C9orf85: variants seen among roughly 807,000 people sequenced by gnomAD.
C9orf85 encodes uncharacterized protein C9orf85.
In C9orf85, 16 loss-of-function variants were observed where a neutral mutation model predicts 14.9. The observed-to-expected ratio is 1.08, with a 90% CI of 0.73 to 1.63. The LOEUF (loss-of-function observed/expected upper bound fraction) is 1.63. C9orf85 is among the 40% of genes most tolerant of loss of function. The pLI is 0.00. For synonymous variants in C9orf85, 45 were observed against 56.8 expected (o/e 0.79, Z 0.93); for missense variants, 172 against 186.1 (o/e 0.92, Z 0.44).
At chr9:71,932,248 G>A (rs1211923566) in intron 1 of C9orf85, among the ~76,000 whole-genome samples, 2 of 152,108 alleles carry the variant, frequency 1.3e-5, no homozygotes, top group African/African-American at 4.8e-5. Flanking sequence ...AGTTTGCCTT[G>A]GGAAATGGTC....
chr9:71,973,860 GT>G (rs60163753), downstream of C9orf85, among the ~76,000 whole-genome samples: 55 of 142,600 alleles, frequency 3.9e-4, no homozygotes, highest in African/African-American at 1.3e-3. Flanking sequence ...GGGTTTTGTT[GT>G]TTTTTTTTTT....
chr9:71,954,266 G>C (rs5010731), intron 2 of C9orf85, among the ~76,000 whole-genome samples: 22,642 of 145,458 alleles, frequency 0.16, 2,091 homozygotes, highest in Non-Finnish European at 0.21. Context: ...TGGCTGGGGG[G>C]ATTGGTTGGT....
chr9:71,982,757 T>G (rs921993005), exon 4 of C9orf85: 5 of 349,422 alleles, frequency 1.4e-5, no homozygotes, highest in African/African-American at 2.3e-5. Flanking sequence ...TGCCTCAGCC[T>G]CTCGAGTAGC....
At chr9:71,959,976 C>G (rs1232848142) in intron 2 of C9orf85, among the ~76,000 whole-genome samples, 1 of 152,176 alleles carries the variant, frequency 6.6e-6, no homozygotes, top group African/African-American at 2.4e-5. Flanking sequence ...AAGAAGATAG[C>G]AAATGAATCT....
chr9:71,954,669 A>C (rs955234108), intron 2 of C9orf85, among the ~76,000 whole-genome samples: 1 of 152,118 alleles, frequency 6.6e-6, no homozygotes, highest in African/African-American at 2.4e-5. Context: ...AGGACATTCT[A>C]GTGGCCATCT....
intron 1 of C9orf85, among the ~76,000 whole-genome samples, chr9:71,912,838 C>A (rs1827548603): frequency 1.3e-5 from 2 of 152,150 alleles, no homozygotes; most frequent in South Asian, 4.1e-4. Flanking sequence ...GAGCTGAGAT[C>A]ACATCACTGC....
rs144689253 is a variant in C9orf85, at chr9:71,964,843, T to G, written c.210-6662T>G. ...TTATAGCTCTACTAGAAGCTGTGGG[T>G]CACGGAAGAGAACTGTGGAACCCAG... On this transcript the variant is annotated intron_variant, in intron 2 of 3. Coordinates refer to ENST00000334731, the MANE Select transcript of C9orf85 (RefSeq NM_182505.5). Among the ~76,000 whole-genome samples the G allele has an allele frequency of 9.1e-3, 1,384 of 152,208 alleles. 20 individuals are homozygous for G. The highest frequency in any genetic ancestry group is 0.031 in the African/African-American group (1,283 of 41,524).
At chr9:71,925,726 TG>T (rs560700066) in intron 1 of C9orf85, among the ~76,000 whole-genome samples, 9 of 152,352 alleles carry the variant, frequency 5.9e-5, no homozygotes, top group Admixed American at 1.3e-4. Flanking sequence ...ATGAACAAGC[TG>T]TTTTTTTATA....
intron 1 of C9orf85, among the ~76,000 whole-genome samples, chr9:71,920,454 A>G (rs1030198013): frequency 2.0e-5 from 3 of 152,226 alleles, no homozygotes; most frequent in Non-Finnish European, 4.4e-5. Context: ...TCTAAAAGAA[A>G]GTTGTAATTA....
At chr9:71,916,756 T>C (rs1173619389) in intron 1 of C9orf85, among the ~76,000 whole-genome samples, 1 of 152,234 alleles carries the variant, frequency 6.6e-6, no homozygotes, top group Non-Finnish European at 1.5e-5. Context: ...TATATCAGTT[T>C]AGACTCTTTA....
At position 71,930,247 on chromosome 9, in the gene C9orf85, CAGA is replaced by C. The variant is rs796077772; in HGVS notation, c.103-16754_103-16752del. Among the ~76,000 whole-genome samples, 11 of 152,110 alleles carry C rather than the reference CAGA, an allele frequency of 7.2e-5. 1 individual carries two copies. The highest frequency in any genetic ancestry group is 2.6e-4 in the Admixed American group (4 of 15,266). Reference sequence around the variant, plus strand: ...ATAAAATCACTCAGACTTGAGTAAGCAGAAGAACATTGACCAGAAACATAAACA... The same window carrying C: ...ATAAAATCACTCAGACTTGAGTAAGCAGAACATTGACCAGAAACATAAACA... On this transcript the variant is annotated intron_variant, in intron 1 of 3. Transcript: ENST00000334731.
downstream of C9orf85, among the ~76,000 whole-genome samples, chr9:71,975,303 G>C (rs527694746): frequency 9.1e-4 from 139 of 151,944 alleles, no homozygotes; most frequent in African/African-American, 3.3e-3. Flanking sequence ...AACTAGCCGG[G>C]TGTGGTAGGT....
At chr9:71,939,310 A>C (rs938939333) in intron 1 of C9orf85, among the ~76,000 whole-genome samples, 1 of 151,998 alleles carries the variant, frequency 6.6e-6, no homozygotes, top group African/African-American at 2.4e-5. Flanking sequence ...GAGAACCAAA[A>C]CAGACAAAAC....
chr9:71,931,812 A>C (rs142067653), intron 1 of C9orf85, among the ~76,000 whole-genome samples: 29 of 152,344 alleles, frequency 1.9e-4, no homozygotes, highest in Admixed American at 3.3e-4. Flanking sequence ...TTAAACTATA[A>C]GAATCATAAC....
intron 2 of C9orf85, among the ~76,000 whole-genome samples, chr9:71,965,659 C>G (rs987726770): frequency 5.3e-5 from 8 of 152,140 alleles, no homozygotes; most frequent in African/African-American, 9.7e-5. Flanking sequence ...TCTCTAACTC[C>G]TGGGCTCAGG....
intron 1 of C9orf85, among the ~76,000 whole-genome samples, chr9:71,938,148 A>G (rs886675229): frequency 1.3e-5 from 2 of 152,150 alleles, no homozygotes; most frequent in African/African-American, 2.4e-5. Context: ...TTATTACTTC[A>G]TATCACATTT....
At chr9:71,982,632 C>CTTTTTTTTTTTTTTTTTTTTTTTTTT in intron 3 of C9orf85, 2 of 247,298 alleles carry the variant, frequency 8.1e-6, no homozygotes, top group South Asian at 2.7e-5. Context: ...TTGTATATTT[C>CTTTTTTTTTTTTTTTTTTTTTTTTTT]TTTTTTTTTT....
At chr9:71,964,098 A>C (rs1822611622) in intron 2 of C9orf85, among the ~76,000 whole-genome samples, 1 of 152,042 alleles carries the variant, frequency 6.6e-6, no homozygotes. Flanking sequence ...TTGTGAATGC[A>C]CCAATCGACA....
chr9:71,960,022 G>T (rs1173791822), intron 2 of C9orf85, among the ~76,000 whole-genome samples: 1 of 152,224 alleles, frequency 6.6e-6, no homozygotes, highest in East Asian at 1.9e-4. Flanking sequence ...TTTGGAGAGA[G>T]AGACTCCACA....
Sources: allele counts gnomAD v4.1 joint callset (sites outside exome capture counted in the v4.1 genomes callset), GRCh38; gene constraint gnomAD v4.1.1; transcripts MANE v1.5; gene names NCBI Gene and HGNC (gene_info 2026-07-23, HGNC 2026-07-21).